Variants in WNK3 observed in about 807,000 individuals in gnomAD.
WNK3 encodes WNK lysine deficient protein kinase 3.
In WNK3, 18 loss-of-function variants were observed where a neutral mutation model predicts 116.7. The observed-to-expected ratio is 0.15, with a 90% confidence interval of 0.11 to 0.23. The LOEUF (loss-of-function observed/expected upper bound fraction) is 0.23. Ranked by LOEUF, WNK3 falls within the 10% of genes least tolerant of loss-of-function variation. The probability of loss-of-function intolerance (pLI) is 1.00; values close to 1 mark genes in which losing one functional copy is unlikely to be tolerated. For missense variants in WNK3, 993 were observed against 1,323.8 expected (o/e 0.75, Z 3.88); for synonymous variants, 404 against 469.4 (o/e 0.86, Z 1.80).
intron 10 of WNK3, among the ~76,000 whole-genome samples, chrX:54,269,325 C>T (rs782504718): frequency 3.0e-4 from 33 of 111,747 alleles, no homozygotes; most frequent in Non-Finnish European, 4.9e-4. Context: ...TATGAAAAAA[C>T]ACTCAACATC....
chrX:54,339,527 C>A (rs2069290693), intron 1 of WNK3, among the ~76,000 whole-genome samples: 2 of 111,250 alleles, frequency 1.8e-5, no homozygotes, highest in African/African-American at 6.5e-5. Flanking sequence ...AAATGAACAA[C>A]AGGGTAAGGA....
chrX:54,249,638 G>A lies in WNK3; in HGVS notation c.2714-4C>T. On this transcript the variant is annotated splice_polypyrimidine_tract_variant and splice_region_variant and intron_variant, in intron 16 of 23. Coordinates refer to ENST00000354646, the Ensembl canonical transcript of WNK3. ...TTATTACTTGTGTTTTTTGGACCTG[G>A]AACAATAATAAAGAATGGCTAAGCA... 8.3e-7 allele frequency: 1 copy of A among 1,197,750 alleles called. No individual in the cohort carries two copies. Among genetic ancestry groups the A allele is most frequent in the South Asian group, 1.8e-5 (1 of 55,090 alleles).
chrX:54,295,940 C>T (rs782263771), intron 7 of WNK3, among the ~76,000 whole-genome samples: 33 of 111,446 alleles, frequency 3.0e-4, no homozygotes, highest in African/African-American at 9.8e-4. Context: ...CCTCTCACCT[C>T]GGTCTCCCCA....
chrX:54,298,170 C>T lies in WNK3; in HGVS notation c.1398+5G>A. ...GTGAGGGGAATAGTGGTATGATTAA[C>T]TTACCATTTCATATGCTACTTCCTC... is the stretch of plus-strand genomic sequence containing the variant. On this transcript the variant is annotated splice_donor_5th_base_variant and intron_variant, in intron 7 of 23. Coordinates refer to ENST00000354646, the Ensembl canonical transcript of WNK3. The T allele has an allele frequency of 8.8e-7, 1 of 1,132,691 alleles. No homozygotes were observed. The highest frequency in any genetic ancestry group is 1.2e-6 in the Non-Finnish European group (1 of 824,011). The allele number at this position is 1,132,691 out of a possible 1,213,427, so 93.3% of individuals were successfully genotyped here. A position where few individuals can be genotyped will look rare whatever the true frequency, so the allele number is the denominator to read the frequency against.
intron 5 of WNK3, among the ~76,000 whole-genome samples, chrX:54,307,499 T>C (rs1171111272): frequency 9.0e-6 from 1 of 111,690 alleles, no homozygotes; most frequent in Non-Finnish European, 1.9e-5. Context: ...TTGCATTCCT[T>C]ACAATTTCTA....
rs781900280 is a variant in WNK3, at chrX:54,231,092, T to G, written c.4840+1717A>C. Among the ~76,000 whole-genome samples the G allele has an allele frequency of 2.7e-5, 3 of 112,472 alleles. No homozygotes were observed. In the Admixed American group the frequency reaches 2.8e-4, roughly 11 times the overall value. ...TTGGGATCACGAGTAACCAGTGTTA[T>G]CTAACAGTTTTGGGAAAGCAGAAAC... is the stretch of plus-strand genomic sequence containing the variant. On this transcript the variant is annotated intron_variant, in intron 21 of 23. Transcript: ENST00000354646.
chrX:54,260,803 A>G lies in WNK3; in HGVS notation c.2038-1465T>C, dbSNP rs376879040. 1.0e-4 allele frequency among the ~76,000 whole-genome samples: 11 copies of G among 107,854 alleles called. 1 individual carries two copies. Among genetic ancestry groups the G allele is most frequent in the South Asian group, 4.1e-4 (1 of 2,425 alleles). 93.7% of individuals were successfully genotyped at this position (107,854 alleles called of 115,157 possible). A position where few individuals can be genotyped will look rare whatever the true frequency, so the allele number is the denominator to read the frequency against. The stretch of plus-strand genomic sequence containing the variant: ...AGTGGCGTGATCTTGGCTCACTGCA[A>G]CCTCCACCTCCTAGGTTCAAGTGAT... On this transcript the variant is annotated intron_variant, in intron 10 of 23. Coordinates refer to ENST00000354646, the Ensembl canonical transcript of WNK3.
chrX:54,221,386 A>C (rs899899036), intron 22 of WNK3, among the ~76,000 whole-genome samples: 1 of 112,480 alleles, frequency 8.9e-6, no homozygotes, highest in Non-Finnish European at 1.9e-5. Flanking sequence ...AGCAATAACT[A>C]TAAAATTGTG....
intron 15 of WNK3, 129 bp downstream of exon 15, chrX:54,251,270 G>A (rs1365726471): frequency 1.0e-5 from 5 of 488,768 alleles, no homozygotes; most frequent in Non-Finnish European, 1.7e-5. Flanking sequence ...TTCAAAGTGT[G>A]AGAAAACCTA....
At chrX:54,242,526 A>T in intron 17 of WNK3, among the ~76,000 whole-genome samples, 1 of 112,784 alleles carries the variant, frequency 8.9e-6, no homozygotes, top group East Asian at 2.8e-4. Context: ...CAAATGTACT[A>T]TAAAACTACA....
At chrX:54,234,976 T>A (rs981805530) in intron 20 of WNK3, among the ~76,000 whole-genome samples, 1 of 112,320 alleles carries the variant, frequency 8.9e-6, no homozygotes, top group Admixed American at 9.5e-5. Flanking sequence ...AGTTGACGTA[T>A]ACATAATGTA....
chrX:54,353,462 TAAATA>T (rs782437352), intron 1 of WNK3, among the ~76,000 whole-genome samples: 6 of 93,012 alleles, frequency 6.5e-5, no homozygotes, highest in Admixed American at 1.2e-4. Flanking sequence ...CATCTCCAAA[TAAATA>T]AAATAAAATA....
chrX:54,288,981 C>A (rs782000251), intron 10 of WNK3, among the ~76,000 whole-genome samples: 21 of 111,688 alleles, frequency 1.9e-4, no homozygotes, highest in Non-Finnish European at 3.4e-4. Flanking sequence ...GTTCAGTTAT[C>A]TGGATAGTGT....
In WNK3 at chrX:54,259,004, TCTTC is replaced by T. The variant is rs782813336; in HGVS notation, c.2102+266_2102+269del. ...GAATTCTACTCTAAACTCTATTGTT[TCTTC>T]CTTCCTTAACCCTTACCAGCTTTTC... On this transcript the variant is annotated intron_variant, in intron 11 of 23. Transcript: ENST00000354646. Among the ~76,000 whole-genome samples the T allele has an allele frequency of 1.7e-4, 19 of 110,093 alleles. No homozygotes were observed. The East Asian group carries it at 4.8e-3, about 28-fold the overall frequency.
chrX:54,308,636 C>T (rs1025338781), intron 4 of WNK3, among the ~76,000 whole-genome samples: 20 of 111,611 alleles, frequency 1.8e-4, no homozygotes, highest in African/African-American at 6.5e-4. Context: ...TATTTCTATC[C>T]TTTTTACTTA....
At chrX:54,326,479 G>A (rs966963536) in intron 2 of WNK3, among the ~76,000 whole-genome samples, 3 of 110,951 alleles carry the variant, frequency 2.7e-5, no homozygotes, top group Non-Finnish European at 5.7e-5. Flanking sequence ...CAAGGTAGGA[G>A]GATCACTTGA....
At chrX:54,251,298 A>T (rs1603381970) in intron 15 of WNK3, 101 bp downstream of exon 15, 2 of 578,479 alleles carry the variant, frequency 3.5e-6, no homozygotes, top group East Asian at 7.3e-5. Flanking sequence ...AAGTTACCAA[A>T]TTAATTTATT....
chrX:54,283,285 A>T (rs1360232311), intron 10 of WNK3, among the ~76,000 whole-genome samples: 1 of 111,969 alleles, frequency 8.9e-6, no homozygotes, highest in Non-Finnish European at 1.9e-5. Flanking sequence ...CTCTACAAAA[A>T]ATAAAATAAA....
intron 6 of WNK3, among the ~76,000 whole-genome samples, chrX:54,300,113 G>A (rs2147133625): frequency 9.0e-6 from 1 of 111,245 alleles, no homozygotes; most frequent in South Asian, 3.9e-4. Flanking sequence ...GCCCGCCTCA[G>A]CCTCCCAAAG....
Sources: gnomAD v4.1 joint callset for allele counts (sites outside exome capture counted in the v4.1 genomes callset) on GRCh38, gnomAD v4.1.1 for gene constraint, MANE v1.5 for transcripts, NCBI Gene and HGNC (gene_info 2026-07-23, HGNC 2026-07-21) for gene names.